NFIB: variants seen among roughly 807,000 people sequenced by gnomAD.
NFIB encodes nuclear factor I B.
Under a neutral mutation model 61.5 loss-of-function variants are expected in NFIB, and 11 were observed. The observed-to-expected ratio is 0.18, with a 90% confidence interval of 0.11 to 0.30. The LOEUF (loss-of-function observed/expected upper bound fraction) is 0.30, where lower values mean the gene tolerates loss of function less well. NFIB is among the 10% of genes least tolerant of loss of function. The pLI is 1.00. For synonymous variants in NFIB, 260 were observed against 216.5 expected, an observed-to-expected ratio of 1.20 and a Z score of -1.76; for missense variants, 471 against 608.9, an observed-to-expected ratio of 0.77 and a Z score of 2.38.
chr9:14,356,618 T>G (rs2061178965), intron 1 of NFIB, among the ~76,000 whole-genome samples: 1 of 151,372 alleles, frequency 6.6e-6, no homozygotes, highest in Non-Finnish European at 1.5e-5. Flanking sequence ...TTGCCTGGGG[T>G]TTACGAGCAG....
In NFIB at chr9:14,087,938, A is replaced by G. The variant is rs1018397323; in HGVS notation, c.*371T>C. The G allele has an allele frequency of 3.1e-5, 8 of 254,150 alleles. No individual in the cohort carries two copies. Among genetic ancestry groups the G allele is most frequent in the Admixed American group, 1.6e-4 (3 of 19,056 alleles). The allele number at this position is 254,150 out of a possible 1,614,324, so 15.7% of individuals were successfully genotyped here. On this transcript the variant is annotated 3_prime_UTR_variant, in exon 11 of 11. Coordinates refer to ENST00000380953, the MANE Select transcript of NFIB (RefSeq NM_001190737.2). ...CATAGAGACAGAACATCTATTTCCC[A>G]GCGGACTTCATGTAACAAAGGCTAC... is the stretch of plus-strand genomic sequence containing the variant.
At chr9:14,109,488 C>G (rs943860651) in intron 10 of NFIB, among the ~76,000 whole-genome samples, 4 of 148,262 alleles carry the variant, frequency 2.7e-5, no homozygotes, top group Admixed American at 2.6e-4. Flanking sequence ...GTTCAGTTTG[C>G]CAAAGCAGGA....
intron 2 of NFIB, among the ~76,000 whole-genome samples, chr9:14,200,580 T>C (rs532418631): frequency 4.5e-4 from 68 of 152,210 alleles, no homozygotes; most frequent in Non-Finnish European, 7.9e-4. Context: ...CTTTTCACAC[T>C]AAGTATCCCT....
At chr9:14,188,805 A>G (rs2047645689) in intron 2 of NFIB, among the ~76,000 whole-genome samples, 1 of 152,330 alleles carries the variant, frequency 6.6e-6, no homozygotes, top group African/African-American at 2.4e-5. Flanking sequence ...ACTATGTAAT[A>G]TACATTTTTT....
At chr9:14,114,967 A>G (rs2119065639) in intron 9 of NFIB, among the ~76,000 whole-genome samples, 1 of 152,368 alleles carries the variant, frequency 6.6e-6, no homozygotes, top group South Asian at 2.1e-4. Context: ...CTAGAACAAA[A>G]TAATTTTTAG....
intron 3 of NFIB, among the ~76,000 whole-genome samples, chr9:14,173,885 G>C (rs971494751): frequency 1.3e-5 from 2 of 152,060 alleles, no homozygotes; most frequent in African/African-American, 4.8e-5. Flanking sequence ...CAAATAATCA[G>C]GCTAGAAGCA....
At chr9:14,116,093 C>T in intron 9 of NFIB, 115 bp downstream of exon 9, 1 of 1,238,828 alleles carries the variant, frequency 8.1e-7, no homozygotes. Context: ...GGTCAGGTAG[C>T]TGGAAAAATT....
At chr9:14,204,500 C>A in intron 2 of NFIB, 1 of 1,083,752 alleles carries the variant, frequency 9.2e-7, no homozygotes, top group South Asian at 1.3e-5. Context: ...CCAGTTCACC[C>A]AGGACCTGGA....
intron 10 of NFIB, among the ~76,000 whole-genome samples, chr9:14,104,723 G>C (rs1013378956): frequency 2.6e-5 from 4 of 151,230 alleles, no homozygotes; most frequent in South Asian, 2.1e-4. Context: ...TGGAATTACA[G>C]GTTCGTGCCA....
rs2032202865 is a variant in NFIB at position 14,082,777 on chromosome 9, A to AG, written c.*5531_*5532insC. On this transcript the variant is annotated 3_prime_UTR_variant, in exon 11 of 11. Coordinates refer to ENST00000380953, the MANE Select transcript of NFIB (RefSeq NM_001190737.2). ...ATAAAAAGCCATACTTCTTAAAAAA[A>AG]AAAAAAAGAAAAAAAAAGACTTCCT... 1 of 198,214 alleles carries AG rather than the reference A, an allele frequency of 5.0e-6. No individual in the cohort carries two copies. Among genetic ancestry groups the AG allele is most frequent in the African/African-American group, 2.3e-5 (1 of 43,316 alleles). 12.3% of individuals were successfully genotyped at this position (198,214 alleles called of 1,614,324 possible).
intron 1 of NFIB, among the ~76,000 whole-genome samples, chr9:14,393,128 C>G (rs911320029): frequency 6.6e-6 from 1 of 152,136 alleles, no homozygotes; most frequent in Admixed American, 6.5e-5. Flanking sequence ...AACTCTCTCA[C>G]CTTTCTGTGT....
chr9:14,418,927 C>A, the NFIB span, among the ~76,000 whole-genome samples: 12 of 152,060 alleles, frequency 7.9e-5, no homozygotes, highest in African/African-American at 2.4e-4. Flanking sequence ...TCATTTTACC[C>A]CAGTAAATGA....
chr9:14,472,989 T>G, the NFIB span, among the ~76,000 whole-genome samples: 3 of 152,218 alleles, frequency 2.0e-5, no homozygotes, highest in African/African-American at 4.8e-5. Context: ...CAAACCATAT[T>G]AAGTGAAGCA....
At chr9:14,403,584 A>G (rs531548929), upstream of NFIB, among the ~76,000 whole-genome samples, 9 of 151,856 alleles carry the variant, frequency 5.9e-5, no homozygotes, top group South Asian at 1.2e-3. Context: ...TTGAACATAT[A>G]ACTTTTTAAC....
At chr9:14,346,132 GGGGGCGCGT>G (rs2061015918) in intron 1 of NFIB, among the ~76,000 whole-genome samples, 1 of 151,798 alleles carries the variant, frequency 6.6e-6, no homozygotes, top group Non-Finnish European at 1.5e-5. Context: ...CGCGGGCGCG[GGGGGCGCGT>G]GGGGCACGTG....
At chr9:14,102,446 T>TG in intron 10 of NFIB, 1 of 1,550,300 alleles carries the variant, frequency 6.5e-7, no homozygotes, top group Non-Finnish European at 8.7e-7. Flanking sequence ...TCCCAATGTA[T>TG]CCTCACTGGT....
the NFIB span, among the ~76,000 whole-genome samples, chr9:14,531,075 G>A: frequency 6.6e-6 from 1 of 152,144 alleles, no homozygotes; most frequent in Non-Finnish European, 1.5e-5. Flanking sequence ...AAATCAGTAT[G>A]TTGAAATTTA....
In NFIB at chr9:14,155,824, C is replaced by T; in HGVS notation, c.685+1G>A. On this transcript the variant is annotated splice_donor_variant, in intron 4 of 10. Coordinates refer to ENST00000380953, the MANE Select transcript of NFIB (RefSeq NM_001190737.2). LOFTEE classifies it high-confidence loss of function. ...AAGTAGTAACAAAACAATTTACTTA[C>T]TTCTGGATACTCTTACAAGTTCTGA... 6.4e-7 allele frequency: 1 copy of T among 1,561,506 alleles called. No individual in the cohort carries two copies. The highest frequency in any genetic ancestry group is 8.7e-7 in the Non-Finnish European group (1 of 1,146,274).
At chr9:14,399,093 T>C, upstream of NFIB, 1 of 190,532 alleles carries the variant, frequency 5.2e-6, no homozygotes, top group African/African-American at 2.3e-5. Flanking sequence ...GTAGAACACA[T>C]AAAAAAGAAC....
Sources: allele counts gnomAD v4.1 joint callset (sites outside exome capture counted in the v4.1 genomes callset), GRCh38; gene constraint gnomAD v4.1.1; transcripts MANE v1.5; gene names NCBI Gene and HGNC (gene_info 2026-07-23, HGNC 2026-07-21).